The following NUP133 variants were observed in gnomAD, a reference collection of about 807,000 sequenced individuals.
NUP133 encodes nuclear pore complex protein Nup133.
A neutral mutation model predicts 146.2 loss-of-function variants in NUP133; 66 were observed. The observed-to-expected ratio is 0.45, with a 90% CI of 0.37 to 0.55. NUP133 has a LOEUF of 0.55. NUP133 is among the 20% of genes least tolerant of loss of function. The pLI, the probability that NUP133 is intolerant of heterozygous loss-of-function variation, is 0.00. For missense variants in NUP133, 1,277 were observed against 1,374.8 expected (o/e 0.93, Z 1.12); for synonymous variants, 521 against 498.8 (o/e 1.04, Z -0.59).
chr1:229,481,915 G>A (rs891187939), intron 12 of NUP133, among the ~76,000 whole-genome samples: 10 of 152,140 alleles, frequency 6.6e-5, no homozygotes, highest in East Asian at 1.9e-4. Context: ...AGACACTTGC[G>A]TTGTTTGAAG....
intron 5 of NUP133, chr1:229,499,177 C>A: frequency 2.1e-6 from 1 of 470,092 alleles, no homozygotes; most frequent in South Asian, 1.5e-5. Flanking sequence ...TGAGACTGCA[C>A]GCATGAGCCA....
chr1:229,445,047 T>C lies in NUP133; in HGVS notation c.3246-45A>G, dbSNP rs113043799. 1.9e-3 allele frequency: 2,456 copies of C among 1,284,200 alleles called. 38 individuals carry two copies. In the African/African-American group the frequency reaches 0.032, roughly 17 times the overall value. The allele number at this position is 1,284,200 out of a possible 1,614,324, so 79.6% of individuals were successfully genotyped here. A position where few individuals can be genotyped will look rare whatever the true frequency, so the allele number is the denominator to read the frequency against. On this transcript the variant is annotated intron_variant, in intron 24 of 25. Transcript: ENST00000261396. ...TGAGGGAAAAATGAAATCACTGATA[T>C]AGCTGAATTAAATGATTTGTTTGCT... is the stretch of plus-strand genomic sequence containing the variant.
chr1:229,473,517 G>A (rs1253253166), intron 14 of NUP133, among the ~76,000 whole-genome samples: 1 of 152,098 alleles, frequency 6.6e-6, no homozygotes, highest in Non-Finnish European at 1.5e-5. Context: ...TGGCTTTCGG[G>A]CCTCTGATAA....
intron 20 of NUP133, among the ~76,000 whole-genome samples, chr1:229,459,009 A>C (rs1433507590): frequency 6.6e-6 from 1 of 152,202 alleles, no homozygotes; most frequent in Non-Finnish European, 1.5e-5. Context: ...AATTTAAAAA[A>C]ATTATTGTAT....
intron 13 of NUP133, among the ~76,000 whole-genome samples, chr1:229,477,009 T>C (rs1661093158): frequency 6.6e-6 from 1 of 152,092 alleles, no homozygotes; most frequent in African/African-American, 2.4e-5. Flanking sequence ...AATTTTCTTT[T>C]AGAAATAAAA....
chr1:229,475,406 G>A (rs536439555), intron 14 of NUP133, among the ~76,000 whole-genome samples: 10 of 152,314 alleles, frequency 6.6e-5, no homozygotes, highest in African/African-American at 2.4e-4. Flanking sequence ...GAAAACTTAA[G>A]TTCTTACACA....
At position 229,449,874 on chromosome 1, in the gene NUP133, T is replaced by TATATATATATATATTTA. The variant is rs1491123491; in HGVS notation, c.3180+650_3180+651insTAAATATATATATATAT. Reference sequence around the variant, plus strand: ...TTTTATATATATATATATATATATATTTTTTTTTTTTTTTTTTTTTTTTTT... The same window carrying TATATATATATATATTTA: ...TTTTATATATATATATATATATATATATATATATATATATTTATTTTTTTTTTTTTTTTTTTTTTTTT... On this transcript the variant is annotated intron_variant, in intron 23 of 25. Coordinates refer to ENST00000261396, the MANE Select transcript of NUP133 (RefSeq NM_018230.3). Among the ~76,000 whole-genome samples the TATATATATATATATTTA allele has an allele frequency of 3.8e-5, 3 of 78,016 alleles. No individual in the cohort carries two copies. In the Admixed American group the frequency reaches 5.1e-4, roughly 13 times the overall value. 51.2% of individuals were successfully genotyped at this position (78,016 alleles called of 152,430 possible).
intron 24 of NUP133, among the ~76,000 whole-genome samples, chr1:229,447,088 C>T (rs1444730519): frequency 6.6e-6 from 1 of 152,110 alleles, no homozygotes; most frequent in Non-Finnish European, 1.5e-5. Context: ...TGTGCCATTG[C>T]ACTCCAGCCT....
In NUP133 at chr1:229,508,331, T is replaced by A; in HGVS notation, c.-82A>T. 1 of 1,078,044 alleles carries A rather than the reference T, an allele frequency of 9.3e-7. No homozygotes were observed. Among genetic ancestry groups the A allele is most frequent in the Non-Finnish European group, 1.2e-6 (1 of 801,676 alleles). The allele number at this position is 1,078,044 out of a possible 1,614,324, so 66.8% of individuals were successfully genotyped here. On this transcript the variant is annotated 5_prime_UTR_variant, in exon 1 of 26. Coordinates refer to ENST00000261396, the MANE Select transcript of NUP133 (RefSeq NM_018230.3). Reference sequence around the variant, plus strand: ...GGCCTGCGCGCGGAACTTAAACACCTAAGGGAAGAGATGGCGCGCGATGAT... The same window carrying A: ...GGCCTGCGCGCGGAACTTAAACACCAAAGGGAAGAGATGGCGCGCGATGAT...
chr1:229,500,726 T>G (rs1469158957), intron 4 of NUP133, 30 bp downstream of exon 4: 1 of 1,372,238 alleles, frequency 7.3e-7, no homozygotes, highest in Admixed American at 1.9e-5. Flanking sequence ...TTGTAAAAAG[T>G]TTATTTAAAT....
intron 18 of NUP133, among the ~76,000 whole-genome samples, chr1:229,464,379 G>A (rs186109880): frequency 6.6e-6 from 1 of 152,142 alleles, no homozygotes; most frequent in Admixed American, 6.5e-5. Context: ...AGCTCTTTAA[G>A]GGTAGTCTCC....
chr1:229,486,332 A>G (rs934397956), intron 11 of NUP133, 39 bp downstream of exon 11: 8 of 1,539,144 alleles, frequency 5.2e-6, no homozygotes, highest in Non-Finnish European at 7.0e-6. Context: ...TAAAAAATAA[A>G]TAACATAAAA....
Position 229,486,382 on chromosome 1 carries a change from G to A in NUP133, c.1489C>T (p.Pro497Ser). ...TCGAATCACATTACCTCACTGTTTG[G>A]TCCAGCAACTGAAGATGCTAAAGAC... ...EGSLASSVAG[P>S]NSESMIFETT... is the part of the protein sequence containing the mutation. The change falls in exon 11 of 26, where the codon CCA becomes TCA. Residue 497 changes from proline to serine, a missense_variant. Transcript: ENST00000261396. The A allele has an allele frequency of 1.9e-6, 3 of 1,586,320 alleles. No individual in the cohort carries two copies. The highest frequency in any genetic ancestry group is 2.6e-6 in the Non-Finnish European group (3 of 1,172,732).
chr1:229,481,565 G>A (rs551063592), intron 12 of NUP133, among the ~76,000 whole-genome samples: 5 of 151,980 alleles, frequency 3.3e-5, no homozygotes, highest in East Asian at 1.9e-4. Flanking sequence ...AAAATTAGCC[G>A]GGCATGGCAG....
At chr1:229,489,569 C>A (rs1020538247) in intron 9 of NUP133, among the ~76,000 whole-genome samples, 2 of 152,304 alleles carry the variant, frequency 1.3e-5, no homozygotes, top group South Asian at 4.1e-4. Flanking sequence ...AAATCTGTCA[C>A]GAAATTTGAC....
Position 229,464,885 on chromosome 1 carries a change from T to C in NUP133, c.2300-10A>G. 2 of 1,613,424 alleles carry C rather than the reference T, an allele frequency of 1.2e-6. No individual in the cohort carries two copies. The highest frequency in any genetic ancestry group is 8.5e-7 in the Non-Finnish European group (1 of 1,179,358). On this transcript the variant is annotated splice_polypyrimidine_tract_variant and intron_variant, in intron 17 of 25. Coordinates refer to ENST00000261396, the MANE Select transcript of NUP133 (RefSeq NM_018230.3). ...CCAGGACCACTTGTTGCTGTGAAAT[T>C]ACACAAAATAATATGGTTAAAGTAA...
intron 13 of NUP133, among the ~76,000 whole-genome samples, 163 bp downstream of exon 13, chr1:229,477,434 T>C (rs1661103931): frequency 7.1e-6 from 1 of 140,652 alleles, no homozygotes; most frequent in Non-Finnish European, 1.5e-5. Context: ...AGCCTTGCTC[T>C]GTCTCAAAAA....
intron 2 of NUP133, among the ~76,000 whole-genome samples, chr1:229,504,491 T>C (rs769477905): frequency 6.6e-6 from 1 of 152,206 alleles, no homozygotes; most frequent in Non-Finnish European, 1.5e-5. Flanking sequence ...GTTGATTGTA[T>C]CTGTCAAAAT....
chr1:229,449,874 T>TATATATATATATATATATATATATATATA (rs1491123491), intron 23 of NUP133, among the ~76,000 whole-genome samples: 2 of 78,024 alleles, frequency 2.6e-5, no homozygotes, highest in African/African-American at 5.3e-5. Context: ...TATATATATA[T>TATATATATATATATATATATATATATATA]TTTTTTTTTT....
Sources: gnomAD v4.1 joint callset for allele counts (sites outside exome capture counted in the v4.1 genomes callset) on GRCh38, gnomAD v4.1.1 for gene constraint, MANE v1.5 for transcripts, NCBI Gene and HGNC (gene_info 2026-07-23, HGNC 2026-07-21) for gene names.